Variants in NALF1 observed in about 807,000 individuals in gnomAD.
NALF1 encodes the protein family with sequence similarity 155 member A.
Under a neutral mutation model 48.4 loss-of-function variants are expected in NALF1, and 3 were observed. That is an observed-to-expected ratio of 0.06 (90% CI 0.03 to 0.16). NALF1 has a LOEUF of 0.16. NALF1 is among the 10% of genes least tolerant of loss of function. The probability of loss-of-function intolerance (pLI) is 1.00; values close to 1 mark genes in which losing one functional copy is unlikely to be tolerated. For missense variants in NALF1, 526 were observed against 571.5 expected, an observed-to-expected ratio of 0.92 and a Z score of 0.81; for synonymous variants, 262 against 245.7, an observed-to-expected ratio of 1.07 and a Z score of -0.62.
At chr13:107,756,347 TG>T (rs1877091886) in intron 1 of NALF1, among the ~76,000 whole-genome samples, 1 of 151,764 alleles carries the variant, frequency 6.6e-6, no homozygotes, top group Non-Finnish European at 1.5e-5. Flanking sequence ...ATGTGGCTGA[TG>T]CCCAAACACC....
intron 1 of NALF1, among the ~76,000 whole-genome samples, chr13:107,683,920 G>T (rs955043563): frequency 2.0e-5 from 3 of 152,198 alleles, no homozygotes; most frequent in Non-Finnish European, 4.4e-5. Context: ...GTATGGCCCA[G>T]ATCTCCTGCA....
chr13:107,409,100 T>C (rs1016668068), intron 1 of NALF1, among the ~76,000 whole-genome samples: 35 of 152,268 alleles, frequency 2.3e-4, no homozygotes, highest in African/African-American at 7.0e-4. Context: ...GCATGGCTAA[T>C]GACTAGGCCC....
chr13:107,749,949 A>G (rs1432193466), intron 1 of NALF1, among the ~76,000 whole-genome samples: 1 of 151,940 alleles, frequency 6.6e-6, no homozygotes, highest in African/African-American at 2.4e-5. Flanking sequence ...CCTCCCAAGT[A>G]GCTGGGACTA....
intron 1 of NALF1, among the ~76,000 whole-genome samples, chr13:107,295,051 G>C (rs1265791784): frequency 6.6e-6 from 1 of 151,988 alleles, no homozygotes; most frequent in Non-Finnish European, 1.5e-5. Flanking sequence ...TACAAAGGTA[G>C]ATTGTGTGAT....
chr13:107,670,837 T>A (rs1005243365), intron 1 of NALF1, among the ~76,000 whole-genome samples: 6 of 152,144 alleles, frequency 3.9e-5, no homozygotes, highest in African/African-American at 1.4e-4. Context: ...TACCCAGTGC[T>A]GGTAGAGTTA....
intron 1 of NALF1, among the ~76,000 whole-genome samples, chr13:107,518,111 T>C (rs1429247961): frequency 6.6e-6 from 1 of 152,130 alleles, no homozygotes; most frequent in Non-Finnish European, 1.5e-5. Context: ...AGAGATAAAA[T>C]GATATAGTCA....
At chr13:107,560,980 C>T (rs546036169) in intron 1 of NALF1, among the ~76,000 whole-genome samples, 1 of 152,286 alleles carries the variant, frequency 6.6e-6, no homozygotes, top group Non-Finnish European at 1.5e-5. Flanking sequence ...ATTTTTAAAA[C>T]TATTCTATGT....
At chr13:107,625,552 CAAAAT>C (rs1879646982) in intron 1 of NALF1, among the ~76,000 whole-genome samples, 1 of 151,994 alleles carries the variant, frequency 6.6e-6, no homozygotes, top group African/African-American at 2.4e-5. Context: ...ACAGTCTAAA[CAAAAT>C]GTTTCTAGAT....
At chr13:107,349,931 G>A (rs1470751722) in intron 1 of NALF1, among the ~76,000 whole-genome samples, 2 of 152,126 alleles carry the variant, frequency 1.3e-5, no homozygotes, top group African/African-American at 2.4e-5. Flanking sequence ...TCATGGACCA[G>A]AGAGGATGAT....
At chr13:107,775,144 C>T (rs981235027) in intron 1 of NALF1, among the ~76,000 whole-genome samples, 4 of 152,116 alleles carry the variant, frequency 2.6e-5, no homozygotes, top group Middle Eastern at 3.4e-3. Flanking sequence ...CATGCTGGTG[C>T]GCTGCACCCA....
At chr13:107,172,982 A>G (rs1200044172) in intron 2 of NALF1, among the ~76,000 whole-genome samples, 2 of 152,094 alleles carry the variant, frequency 1.3e-5, no homozygotes, top group Non-Finnish European at 2.9e-5. Flanking sequence ...TCTCCTGTCC[A>G]TCTTTTTAAC....
At chr13:107,271,603 G>A (rs1881166658) in intron 1 of NALF1, among the ~76,000 whole-genome samples, 1 of 94,924 alleles carries the variant, frequency 1.1e-5, no homozygotes, top group African/African-American at 3.4e-5. Context: ...AAGATAGCAA[G>A]TGGGGGTCAT....
intron 1 of NALF1, among the ~76,000 whole-genome samples, chr13:107,322,953 C>G (rs940656570): frequency 6.6e-6 from 1 of 152,176 alleles, no homozygotes; most frequent in Non-Finnish European, 1.5e-5. Context: ...CAGACCACAC[C>G]TGGATATACC....
At chr13:107,723,715 C>T (rs1003534070) in intron 1 of NALF1, among the ~76,000 whole-genome samples, 2 of 152,056 alleles carry the variant, frequency 1.3e-5, no homozygotes, top group Admixed American at 6.5e-5. Flanking sequence ...CACATGCAAA[C>T]GAAGTAGACT....
intron 1 of NALF1, among the ~76,000 whole-genome samples, chr13:107,511,836 G>A (rs1425506382): frequency 2.6e-5 from 4 of 152,122 alleles, no homozygotes; most frequent in Non-Finnish European, 4.4e-5. Context: ...AACATTTTAT[G>A]AAAACAAGGT....
intron 1 of NALF1, among the ~76,000 whole-genome samples, chr13:107,808,126 G>T (rs1431063956): frequency 1.3e-5 from 2 of 152,060 alleles, no homozygotes; most frequent in Non-Finnish European, 2.9e-5. Flanking sequence ...TCAGTCCAAG[G>T]TTGGACAGGC....
chr13:107,797,424 T>A (rs1176497198), intron 1 of NALF1, among the ~76,000 whole-genome samples: 1 of 152,132 alleles, frequency 6.6e-6, no homozygotes, highest in Non-Finnish European at 1.5e-5. Flanking sequence ...TTGGCCAGGA[T>A]GGTCTCGATC....
At chr13:107,390,221 A>T (rs553787528) in intron 1 of NALF1, among the ~76,000 whole-genome samples, 1 of 152,046 alleles carries the variant, frequency 6.6e-6, no homozygotes, top group African/African-American at 2.4e-5. Context: ...AGCCTGGCGT[A>T]GTGGCATGTG....
chr13:107,624,266 TG>T (rs1879607577), intron 1 of NALF1, among the ~76,000 whole-genome samples: 1 of 152,260 alleles, frequency 6.6e-6, no homozygotes, highest in African/African-American at 2.4e-5. Context: ...AGCCACTGTG[TG>T]GTTTACATAA....
Sources: gnomAD v4.1 joint callset for allele counts (sites outside exome capture counted in the v4.1 genomes callset) on GRCh38, gnomAD v4.1.1 for gene constraint, MANE v1.5 for transcripts, NCBI Gene and HGNC (gene_info 2026-07-23, HGNC 2026-07-21) for gene names.